Variants in DST observed in about 807,000 individuals in gnomAD.
DST encodes the protein bullous pemphigoid antigen.
A neutral mutation model predicts 875.2 loss-of-function variants in DST; 253 were observed. The ratio of observed to expected loss-of-function variants is 0.29; its 90% CI spans 0.26 to 0.32. DST has a LOEUF of 0.32. DST is among the 10% of genes least tolerant of loss of function. DST has a pLI of 1.00. For synonymous variants in DST, 3,124 were observed against 3,197.1 expected, an observed-to-expected ratio of 0.98 and a Z score of 0.77; for missense variants, 8,287 against 9,111.6, an observed-to-expected ratio of 0.91 and a Z score of 3.68.
At position 56,722,372 on chromosome 6, in the gene DST, A is replaced by G. The variant is rs76376039; in HGVS notation, c.687+12856T>C. 1.4e-3 allele frequency among the ~76,000 whole-genome samples: 179 copies of G among 123,846 alleles called. No homozygotes were observed. The East Asian group carries it at 0.019, about 13-fold the overall frequency. 81.2% of individuals were successfully genotyped at this position (123,846 alleles called of 152,430 possible). A position where few individuals can be genotyped will look rare whatever the true frequency, so the allele number is the denominator to read the frequency against. On this transcript the variant is annotated intron_variant, in intron 5 of 103. Transcript: ENST00000680361. ...CAATAAAAGTAGTACATGTTTGTTT[A>G]TTTATTTATTTATTTATTTATTTAT...
rs2097544119 is a variant in DST, at chr6:56,562,134, T to G, written c.14068+4A>C. ...ATCAGTAACAAATTAAAATTAATACTCACCTTTATTTGCCCAAAATTCCTC... is the reference window on the plus strand; with the variant it reads ...ATCAGTAACAAATTAAAATTAATACGCACCTTTATTTGCCCAAAATTCCTC... On this transcript the variant is annotated splice_donor_region_variant and intron_variant, in intron 56 of 103. Transcript: ENST00000680361. The G allele has an allele frequency of 2.6e-6, 4 of 1,526,852 alleles. No homozygotes were observed. The highest frequency in any genetic ancestry group is 2.7e-6 in the Non-Finnish European group (3 of 1,129,364). 94.6% of individuals were successfully genotyped at this position (1,526,852 alleles called of 1,614,324 possible).
chr6:56,718,867 G>A (rs183785381), intron 5 of DST, among the ~76,000 whole-genome samples: 48 of 152,262 alleles, frequency 3.2e-4, no homozygotes, highest in East Asian at 9.6e-4. Context: ...CCATTGATAC[G>A]GAAACTTTAT....
Position 56,914,142 on chromosome 6 carries a change from T to C in DST, c.217-13521A>G, listed in dbSNP as rs118165459. ...TCATGTTTTGTACCAAAATGAACCA[T>C]AAAAAGAAAATAAATATGCTTGGCT... On this transcript the variant is annotated intron_variant, in intron 2 of 103. Transcript: ENST00000680361. Among the ~76,000 whole-genome samples the C allele has an allele frequency of 3.6e-3, 551 of 152,168 alleles. 29 individuals carry two copies. In the East Asian group the frequency reaches 0.081, roughly 22 times the overall value.
intron 10 of DST, among the ~76,000 whole-genome samples, chr6:56,662,982 G>T (rs2099053028): frequency 6.6e-6 from 1 of 151,780 alleles, no homozygotes; most frequent in African/African-American, 2.4e-5. Flanking sequence ...ACAAAACAAA[G>T]AAACAAAACA....
At chr6:56,650,469 A>G (rs916595547) in intron 12 of DST, among the ~76,000 whole-genome samples, 17 of 152,166 alleles carry the variant, frequency 1.1e-4, no homozygotes, top group Admixed American at 2.0e-4. Context: ...GCCAAATCCA[A>G]TAATTTTCCT....
chr6:56,700,021 C>T (rs1025327339), intron 8 of DST, among the ~76,000 whole-genome samples: 2 of 152,242 alleles, frequency 1.3e-5, no homozygotes, highest in Admixed American at 6.5e-5. Flanking sequence ...AGGGACTGGG[C>T]TGCATGGCAG....
Position 56,470,225 on chromosome 6 carries a change from C to T in DST, c.22379G>A (p.Gly7460Asp), listed in dbSNP as rs1301721136. The change falls in exon 96 of 104, where the codon GGC becomes GAC. Residue 7460 changes from glycine to aspartate, a missense_variant. By Grantham distance (94) the Gly-to-Asp change is moderately conservative. Transcript: ENST00000680361. ...TTCATAGTAGTCAATATATCCATCG[C>T]CATCTCTGTCAAAGATGTCTGCAAC... ...SAVADIFDRD[G>D]DGYIDYYEFV... 1.2e-6 allele frequency: 2 copies of T among 1,611,136 alleles called. No homozygotes were observed. The highest frequency in any genetic ancestry group is 1.7e-6 in the Non-Finnish European group (2 of 1,178,552).
At chr6:56,871,956 C>A (rs1407070278) in intron 3 of DST, among the ~76,000 whole-genome samples, 3 of 152,074 alleles carry the variant, frequency 2.0e-5, no homozygotes, top group African/African-American at 7.2e-5. Context: ...TTAGACGTGG[C>A]TGAGGAAAGT....
At chr6:56,506,326 A>G in intron 77 of DST, 117 bp downstream of exon 77, 1 of 717,402 alleles carries the variant, frequency 1.4e-6, no homozygotes, top group Non-Finnish European at 2.3e-6. Context: ...TGCAGGAATA[A>G]TTTGCCCACA....
chr6:56,503,229 A>G (rs2096194998), intron 78 of DST, among the ~76,000 whole-genome samples: 1 of 152,078 alleles, frequency 6.6e-6, no homozygotes, highest in South Asian at 2.1e-4. Flanking sequence ...TAGCACACCA[A>G]GGTCACTATA....
chr6:56,740,053 G>A (rs1336735046), intron 4 of DST, among the ~76,000 whole-genome samples: 4 of 152,096 alleles, frequency 2.6e-5, no homozygotes, highest in African/African-American at 4.8e-5. Flanking sequence ...ACAGGGTTTC[G>A]CCATGTTAGC....
At chr6:56,518,701 T>C (rs535340316) in intron 69 of DST, among the ~76,000 whole-genome samples, 1 of 152,172 alleles carries the variant, frequency 6.6e-6, no homozygotes, top group Admixed American at 6.5e-5. Flanking sequence ...GTGCCTCCCA[T>C]GAATAAAATG....
intron 16 of DST, 21 bp downstream of exon 16, chr6:56,642,389 T>C (rs763924802): frequency 7.8e-5 from 122 of 1,554,972 alleles, no homozygotes; most frequent in Non-Finnish European, 9.1e-5. Context: ...ACAACCCCAA[T>C]GGCTCCTAAA....
intron 54 of DST, 125 bp from the exon 55 acceptor site, chr6:56,568,720 TGAAA>T (rs2097724145): frequency 1.1e-6 from 1 of 897,806 alleles, no homozygotes; most frequent in Non-Finnish European, 1.6e-6. Context: ...AGGGAGTCGA[TGAAA>T]GAAAAAGGCA....
intron 29 of DST, 25 bp from the exon 30 acceptor site, chr6:56,631,414 G>C (rs2098778696): frequency 6.2e-7 from 1 of 1,604,482 alleles, no homozygotes; most frequent in African/African-American, 1.3e-5. Context: ...ACAAACAAAG[G>C]TATCAGGCCA....
At chr6:56,682,508 T>C (rs1309144216) in intron 9 of DST, among the ~76,000 whole-genome samples, 1 of 152,210 alleles carries the variant, frequency 6.6e-6, no homozygotes, top group East Asian at 1.9e-4. Flanking sequence ...ACAACACTGA[T>C]ACTTTACCCC....
chr6:56,843,738 G>GGTGGAGA (rs2099803680), intron 4 of DST: 1 of 209,918 alleles, frequency 4.8e-6, no homozygotes, highest in African/African-American at 4.3e-5. Flanking sequence ...GAGAGTGGAG[G>GGTGGAGA]GTGGAGGGTG....
At chr6:56,477,211 T>C (rs2095237349) in intron 91 of DST, 134 bp downstream of exon 91, 2 of 961,608 alleles carry the variant, frequency 2.1e-6, no homozygotes, top group Non-Finnish European at 3.0e-6. Flanking sequence ...ACAAGAAGCG[T>C]ATTTAAAAGA....
intron 4 of DST, among the ~76,000 whole-genome samples, chr6:56,767,015 G>A (rs2152971966): frequency 6.6e-6 from 1 of 152,170 alleles, no homozygotes; most frequent in East Asian, 1.9e-4. Context: ...ACCACCACAA[G>A]CAGCTGCAGC....
Sources: gnomAD v4.1 joint callset for allele counts (sites outside exome capture counted in the v4.1 genomes callset) on GRCh38, gnomAD v4.1.1 for gene constraint, MANE v1.5 for transcripts, NCBI Gene and HGNC (gene_info 2026-07-23, HGNC 2026-07-21) for gene names.